Variants in RALGAPA1 observed in about 807,000 individuals in gnomAD.
RALGAPA1 encodes the protein ral GTPase-activating protein subunit alpha-1.
Under a neutral mutation model 269.6 loss-of-function variants are expected in RALGAPA1, and 52 were observed. That is an observed-to-expected ratio of 0.19 (90% CI 0.15 to 0.24). The LOEUF (loss-of-function observed/expected upper bound fraction) is 0.24. Among genes scored for constraint, RALGAPA1 ranks in the 10% least tolerant of loss-of-function variants. The probability of loss-of-function intolerance (pLI) is 1.00; values close to 1 mark genes in which losing one functional copy is unlikely to be tolerated. For missense variants in RALGAPA1, 1,917 were observed against 3,013.9 expected (o/e 0.64, Z 8.52); for synonymous variants, 817 against 1,008.3 (o/e 0.81, Z 3.60).
chr14:35,564,359 A>G (rs2056525992), intron 39 of RALGAPA1: 1 of 152,224 alleles, frequency 6.6e-6, no homozygotes, highest in South Asian at 2.1e-4. Flanking sequence ...AACAATACTG[A>G]CAGACCCCCC....
intron 41 of RALGAPA1, among the ~76,000 whole-genome samples, chr14:35,546,580 G>A (rs1007148176): frequency 6.6e-6 from 1 of 151,818 alleles, no homozygotes; most frequent in African/African-American, 2.4e-5. Flanking sequence ...AATTTCAAAT[G>A]ACCATATTAG....
chr14:35,622,002 T>C (rs995193815), intron 35 of RALGAPA1, among the ~76,000 whole-genome samples: 1 of 152,168 alleles, frequency 6.6e-6, no homozygotes, highest in African/African-American at 2.4e-5. Flanking sequence ...GACCCAGCAA[T>C]ACCGTTACTG....
chr14:35,689,064 A>G lies in RALGAPA1; in HGVS notation c.3347T>C (p.Val1116Ala), dbSNP rs2066239147. Residue 1116 changes from valine (V) to alanine (A), a missense_variant, in exon 18 of 42, where the codon GTT becomes GCT. Coordinates refer to ENST00000680220, the MANE Select transcript of RALGAPA1 (RefSeq NM_001346249.2). ...TGGAGAAAGTTTGCTAGTACTTGTA[A>G]CATGAGGCATTCTGCGGTTAACAGG... Reference protein sequence around the residue: ...KAPVNRRMPHVTSTSKLSPTK... With the variant: ...KAPVNRRMPHATSTSKLSPTK... 1 of 1,235,676 alleles carries G rather than the reference A, an allele frequency of 8.1e-7. No individual in the cohort carries two copies. 76.5% of individuals were successfully genotyped at this position (1,235,676 alleles called of 1,614,324 possible). A position where few individuals can be genotyped will look rare whatever the true frequency, so the allele number is the denominator to read the frequency against.
At chr14:35,801,230 T>C (rs922205911) in intron 1 of RALGAPA1, among the ~76,000 whole-genome samples, 2 of 145,530 alleles carry the variant, frequency 1.4e-5, no homozygotes, top group Non-Finnish European at 3.0e-5. Context: ...GGTCCTGCTA[T>C]ATATATATAC....
chr14:35,762,681 A>G (rs765674542), intron 5 of RALGAPA1, 29 bp downstream of exon 5: 2 of 1,357,754 alleles, frequency 1.5e-6, no homozygotes, highest in South Asian at 2.3e-5. Flanking sequence ...CAGTATTTTT[A>G]AAGTCATGGA....
intron 41 of RALGAPA1, among the ~76,000 whole-genome samples, chr14:35,545,728 C>G (rs905705232): frequency 6.6e-6 from 1 of 151,824 alleles, no homozygotes; most frequent in African/African-American, 2.4e-5. Flanking sequence ...ACACTTTCAG[C>G]AAAACAGGAT....
At chr14:35,795,504 C>G (rs1317763740) in intron 1 of RALGAPA1, among the ~76,000 whole-genome samples, 2 of 152,082 alleles carry the variant, frequency 1.3e-5, no homozygotes, top group Non-Finnish European at 2.9e-5. Context: ...AAAAGCTGGA[C>G]TATAAAAATA....
At chr14:35,769,065 T>TATATATATATATACACAC (rs1237249622) in intron 4 of RALGAPA1, among the ~76,000 whole-genome samples, 1 of 77,790 alleles carries the variant, frequency 1.3e-5, no homozygotes, top group African/African-American at 4.6e-5. Context: ...TATATATATA[T>TATATATATATATACACAC]ACACACACAT....
At chr14:35,633,804 T>C (rs1007669849) in intron 33 of RALGAPA1, among the ~76,000 whole-genome samples, 1 of 152,188 alleles carries the variant, frequency 6.6e-6, no homozygotes, top group South Asian at 2.1e-4. Context: ...TATACTTCTA[T>C]TGTTACACTC....
In RALGAPA1 at chr14:35,552,733, A is replaced by T. The variant is rs550672257; in HGVS notation, c.7497-3499T>A. Among the ~76,000 whole-genome samples the T allele has an allele frequency of 2.9e-3, 435 of 151,974 alleles. 2 individuals are homozygous for T. The highest frequency in any genetic ancestry group is 9.1e-3 in the African/African-American group (378 of 41,450). ...AACTAGCCAATCAAAAAAAAAAAAA[A>T]AATAACACACAGGTGCTGCAATCAC... is the stretch of plus-strand genomic sequence containing the variant. On this transcript the variant is annotated intron_variant, in intron 39 of 41. Transcript: ENST00000680220.
intron 31 of RALGAPA1, among the ~76,000 whole-genome samples, chr14:35,646,343 C>T (rs768984086): frequency 3.3e-5 from 5 of 152,126 alleles, no homozygotes; most frequent in Admixed American, 2.6e-4. Flanking sequence ...GCAGACACAA[C>T]CTTAATCATT....
intron 17 of RALGAPA1, among the ~76,000 whole-genome samples, chr14:35,692,338 T>C (rs1350623957): frequency 6.6e-6 from 1 of 151,946 alleles, no homozygotes; most frequent in East Asian, 1.9e-4. Context: ...AAAATATTAG[T>C]TTTAATTTTT....
intron 37 of RALGAPA1, among the ~76,000 whole-genome samples, chr14:35,579,401 C>G (rs1047522023): frequency 2.6e-5 from 4 of 151,930 alleles, no homozygotes; most frequent in Non-Finnish European, 4.4e-5. Context: ...GAGGCTGAGG[C>G]GGGCAGATCA....
intron 1 of RALGAPA1, among the ~76,000 whole-genome samples, chr14:35,801,244 G>GACACACACACAC (rs201700521): frequency 3.3e-4 from 44 of 135,106 alleles, no homozygotes; most frequent in East Asian, 2.5e-3. Context: ...TATATACACA[G>GACACACACACAC]ACACACACAC....
rs192059805 is a variant in RALGAPA1 at position 35,615,067 on chromosome 14, G to A, written c.6930-9358C>T. On this transcript the variant is annotated intron_variant, in intron 35 of 41. Transcript: ENST00000680220. ...TATGGCTGCTAAAATGTTTTATATT[G>A]TCATTAGATTAATATGCACCACAAT... Among the ~76,000 whole-genome samples the A allele has an allele frequency of 3.9e-5, 6 of 151,946 alleles. No individual in the cohort carries two copies. In the East Asian group the frequency reaches 1.2e-3, roughly 29 times the overall value.
At chr14:35,730,325 G>A (rs1311669025) in intron 12 of RALGAPA1, among the ~76,000 whole-genome samples, 5 of 152,172 alleles carry the variant, frequency 3.3e-5, no homozygotes, top group East Asian at 1.9e-4. Flanking sequence ...AAATGCCACA[G>A]GGAGAAGGAA....
chr14:35,648,465 CA>C (rs11463848), intron 31 of RALGAPA1, among the ~76,000 whole-genome samples: 3,410 of 122,204 alleles, frequency 0.028, 117 homozygotes, highest in South Asian at 0.16. Flanking sequence ...AACTCCATCT[CA>C]AAAAAAAAAA....
intron 31 of RALGAPA1, among the ~76,000 whole-genome samples, chr14:35,642,138 A>G (rs2062073367): frequency 6.6e-6 from 1 of 152,226 alleles, no homozygotes; most frequent in African/African-American, 2.4e-5. Context: ...CAAATTATGA[A>G]ACTACTACAA....
Position 35,752,045 on chromosome 14 carries a change from T to C in RALGAPA1, c.781A>G (p.Ser261Gly). Residue 261 changes from serine to glycine, a missense_variant, in exon 8 of 42, where the codon AGT (serine) becomes GGT (glycine). Around this residue, in one of 11 missense-constraint regions of RALGAPA1, gnomAD observed 462 missense variants for 725.6 expected, o/e 0.64. Coordinates refer to ENST00000680220, the MANE Select transcript of RALGAPA1 (RefSeq NM_001346249.2). ...CTACCAAGTATAGGATGATATAAAC[T>C]GTTTTCCTTACAGATGTTTGGAAAA... is the stretch of plus-strand genomic sequence containing the variant. ...YIFPNICKENSLYHPILDIPQ... is the reference protein window; with the variant it reads ...YIFPNICKENGLYHPILDIPQ... 1 of 1,582,978 alleles carries C rather than the reference T, an allele frequency of 6.3e-7. No individual in the cohort carries two copies. Among genetic ancestry groups the C allele is most frequent in the Non-Finnish European group, 8.5e-7 (1 of 1,169,718 alleles).
Sources: allele counts gnomAD v4.1 joint callset (sites outside exome capture counted in the v4.1 genomes callset), GRCh38; gene constraint gnomAD v4.1.1; regional missense constraint gnomAD v4.1.1; transcripts MANE v1.5; gene names NCBI Gene and HGNC (gene_info 2026-07-23, HGNC 2026-07-21).